SEMA4C: variants seen among roughly 807,000 people sequenced by gnomAD.
SEMA4C encodes semaphorin 4C, also known as semaphorin-4C.
SEMA4C carries 19 observed loss-of-function variants against 89.0 expected under a neutral mutation model. The observed-to-expected ratio is 0.21, with a 90% CI of 0.15 to 0.31. The LOEUF is 0.31. SEMA4C is among the 10% of genes least tolerant of loss of function. The probability of loss-of-function intolerance (pLI) is 1.00; values close to 1 mark genes in which losing one functional copy is unlikely to be tolerated. For synonymous variants in SEMA4C, 428 were observed against 472.7 expected (o/e 0.91, Z 1.23); for missense variants, 811 against 1,107.0 (o/e 0.73, Z 3.79).
At chr2:96,863,558 A>ATG in intron 12 of SEMA4C, 124 bp downstream of exon 12, 1 of 1,241,060 alleles carries the variant, frequency 8.1e-7, no homozygotes, top group Non-Finnish European at 1.1e-6. Flanking sequence ...GTGCATCCAC[A>ATG]TGTGTGTGTG....
At chr2:96,870,268 C>G (rs971678241), upstream of SEMA4C, 6 of 985,498 alleles carry the variant, frequency 6.1e-6, no homozygotes, top group Non-Finnish European at 7.2e-6. Flanking sequence ...TCAACCCCTC[C>G]GGGTGTCCAG....
upstream of SEMA4C, chr2:96,870,165 C>G: frequency 3.1e-6 from 3 of 983,164 alleles, no homozygotes; most frequent in Non-Finnish European, 3.6e-6. Context: ...CGCGAAGGCT[C>G]GCTCAGGAGG....
At chr2:96,868,242 A>G (rs887317471) in intron 1 of SEMA4C, among the ~76,000 whole-genome samples, 1 of 152,196 alleles carries the variant, frequency 6.6e-6, no homozygotes, top group Non-Finnish European at 1.5e-5. Flanking sequence ...ACCCCCGCCC[A>G]ACATACACAC....
rs1204642762 is a variant in SEMA4C, at chr2:96,860,295, CACAT to C, written c.*327_*330del. On this transcript the variant is annotated 3_prime_UTR_variant, in exon 15 of 15. Coordinates refer to ENST00000305476, the MANE Select transcript of SEMA4C (RefSeq NM_017789.5). Reference sequence around the variant, plus strand: ...ACAAGCGCGCACGCGCGTGCACACACACATACACACACACACAAACACATGTGCA... The same window carrying C: ...ACAAGCGCGCACGCGCGTGCACACACACACACACACACAAACACATGTGCA... 16 of 348,304 alleles carry C rather than the reference CACAT, an allele frequency of 4.6e-5. No individual in the cohort carries two copies. In the East Asian group the frequency reaches 6.1e-4, roughly 13 times the overall value. The allele number at this position is 348,304 out of a possible 1,614,324, so 21.6% of individuals were successfully genotyped here.
At chr2:96,866,744 G>A (rs557879953) in intron 2 of SEMA4C, 30 of 462,804 alleles carry the variant, frequency 6.5e-5, no homozygotes, top group Non-Finnish European at 1.1e-4. Context: ...ACCTCCGGCC[G>A]CAGGGCTGGG....
At chr2:96,868,063 G>T in intron 1 of SEMA4C, 140 bp from the exon 2 acceptor site, 1 of 1,194,102 alleles carries the variant, frequency 8.4e-7, no homozygotes, top group East Asian at 2.6e-5. Flanking sequence ...TTTGGAGGTG[G>T]ACCTAAGTCC....
At position 96,860,948 on chromosome 2, in the gene SEMA4C, T is replaced by A; in HGVS notation, c.2180A>T (p.Asp727Val). Residue 727 changes from aspartate (D) to valine (V), a missense_variant, in exon 15 of 15, where the codon GAT (aspartate) becomes GTT (valine). Asp to Val is a radical substitution (Grantham distance 152). Around this residue, in one of 4 missense-constraint regions of SEMA4C, gnomAD observed 248 missense variants for 269.0 expected, o/e 0.92. Coordinates refer to ENST00000305476, the MANE Select transcript of SEMA4C (RefSeq NM_017789.5). ...ACCGACAGGATCCCAAAGTTTCTCA[T>A]CTGGTTCAGGACAGGGCCGGAAGGG... ...SPPFRPCPEP[D>V]EKLWDPVGYY... The A allele has an allele frequency of 6.2e-7, 1 of 1,613,016 alleles. No individual in the cohort carries two copies. The highest frequency in any genetic ancestry group is 8.5e-7 in the Non-Finnish European group (1 of 1,180,004).
Position 96,865,541 on chromosome 2 carries a change from A to G in SEMA4C, c.421-4T>C. The stretch of plus-strand genomic sequence containing the variant: ...CCAAAGTGAAGGTGAGCATGTTCTA[A>G]GGACAGAGAGAGAGGTGATGAGGAG... On this transcript the variant is annotated splice_region_variant and splice_polypyrimidine_tract_variant and intron_variant, in intron 5 of 14. Coordinates refer to ENST00000305476, the MANE Select transcript of SEMA4C (RefSeq NM_017789.5). The G allele has an allele frequency of 6.2e-7, 1 of 1,613,456 alleles. No homozygotes were observed. The highest frequency in any genetic ancestry group is 8.5e-7 in the Non-Finnish European group (1 of 1,179,630).
At position 96,860,546 on chromosome 2, in the gene SEMA4C, T is replaced by C. The variant is rs1036298920; in HGVS notation, c.*80A>G. The stretch of plus-strand genomic sequence containing the variant: ...CCAGACAGAGCAGGTGCCCGTGCCA[T>C]GTCCCTGAGGTAGCTGGTGCCTGTG... On this transcript the variant is annotated 3_prime_UTR_variant, in exon 15 of 15. Transcript: ENST00000305476. The C allele has an allele frequency of 6.1e-6, 8 of 1,302,018 alleles. No homozygotes were observed. The Admixed American group carries it at 1.0e-4, about 17-fold the overall frequency. The allele number at this position is 1,302,018 out of a possible 1,614,324, so 80.7% of individuals were successfully genotyped here.
Position 96,860,946 on chromosome 2 carries a change from C to T in SEMA4C, c.2182G>A (p.Glu728Lys). ...TAACCGACAGGATCCCAAAGTTTCT[C>T]ATCTGGTTCAGGACAGGGCCGGAAG... The part of the protein sequence containing the change: ...PPFRPCPEPD[E>K]KLWDPVGYYY... Residue 728 changes from glutamate (E) to lysine (K), a missense_variant, in exon 15 of 15, where the codon GAG becomes AAG. Glu to Lys is a moderately conservative substitution (Grantham distance 56, BLOSUM62 1). Around this residue, in one of 4 missense-constraint regions of SEMA4C, gnomAD observed 248 missense variants for 269.0 expected, o/e 0.92. Transcript: ENST00000305476. The T allele has an allele frequency of 6.2e-7, 1 of 1,613,044 alleles. No individual in the cohort carries two copies. Among genetic ancestry groups the T allele is most frequent in the Non-Finnish European group, 8.5e-7 (1 of 1,180,014 alleles).
In SEMA4C at chr2:96,861,316, G is replaced by T; in HGVS notation, c.1812C>A (p.Leu604=). ...CCAGGGCCTGGAGCCGGGCATCGTAGAGGAAGGACCCGGGCTGTTCCGCAG... is the reference window on the plus strand; with the variant it reads ...CCAGGGCCTGGAGCCGGGCATCGTATAGGAAGGACCCGGGCTGTTCCGCAG... ...DLPAEQPGSF[L]YDARLQALVV... Residue 604 remains leucine (L), a synonymous_variant, in exon 15 of 15, where the codon CTC becomes CTA. Transcript: ENST00000305476. The surrounding 1 kb of genome is among the most constrained non-coding windows in gnomAD (Gnocchi z 7.8). 6.2e-7 allele frequency: 1 copy of T among 1,607,558 alleles called. No homozygotes were observed.
intron 2 of SEMA4C, chr2:96,866,750 C>A: frequency 2.2e-6 from 1 of 455,762 alleles, no homozygotes. Flanking sequence ...GGCCGCAGGG[C>A]TGGGCACCCC....
intron 12 of SEMA4C, chr2:96,862,130 C>T (rs1435549895): frequency 1.9e-5 from 10 of 521,488 alleles, no homozygotes; most frequent in Middle Eastern, 5.0e-4. Context: ...CCCTTATCGA[C>T]GTGACGTTAT....
In SEMA4C at chr2:96,860,299, T is replaced by C. The variant is rs892017062; in HGVS notation, c.*327A>G. On this transcript the variant is annotated 3_prime_UTR_variant, in exon 15 of 15. Transcript: ENST00000305476. The stretch of plus-strand genomic sequence containing the variant: ...GCGCGCACGCGCGTGCACACACACA[T>C]ACACACACACACAAACACATGTGCA... 28 of 357,018 alleles carry C rather than the reference T, an allele frequency of 7.8e-5. No individual in the cohort carries two copies. The highest frequency in any genetic ancestry group is 1.3e-4 in the Non-Finnish European group (26 of 195,982). 22.1% of individuals were successfully genotyped at this position (357,018 alleles called of 1,614,324 possible).
At chr2:96,863,224 A>G in intron 12 of SEMA4C, 1 of 991,064 alleles carries the variant, frequency 1.0e-6, no homozygotes. Context: ...AAAAACCAAA[A>G]AGAGTATTGC....
rs2153361427 is a variant in SEMA4C, at chr2:96,860,867, GGCT to G, written c.2258_2260del (p.Gln753del). The G allele has an allele frequency of 6.2e-7, 1 of 1,613,166 alleles. No homozygotes were observed. Among genetic ancestry groups the G allele is most frequent in the Non-Finnish European group, 8.5e-7 (1 of 1,180,024 alleles). On this transcript the variant is annotated inframe_deletion, in exon 15 of 15. Coordinates refer to ENST00000305476, the MANE Select transcript of SEMA4C (RefSeq NM_017789.5). ...AGGTGGCGAAGGGGGCCCCCCACCG[GGCT>G]GGCACCGGGCATGCCCAGGTACTAT...
At position 96,864,062 on chromosome 2, in the gene SEMA4C, C is replaced by A; in HGVS notation, c.1194G>T (p.Pro398=). 6.2e-7 allele frequency: 1 copy of A among 1,613,244 alleles called. No homozygotes were observed. The highest frequency in any genetic ancestry group is 8.5e-7 in the Non-Finnish European group (1 of 1,180,022). ...DNILNFVKKH[P]LMEEQVGPRW... is the part of the protein sequence containing the mutation. ...GAGGCCCCACCTGCTCCTCCATCAG[C>A]GGGTGCTTCTTGACGAAGTTGAGGA... The change falls in exon 11 of 15, where the codon CCG becomes CCT. Residue 398 remains proline, a synonymous_variant. Transcript: ENST00000305476. The surrounding 1 kb of genome is among the most constrained non-coding windows in gnomAD (Gnocchi z 6.3).
In SEMA4C at chr2:96,861,708, G is replaced by T. The variant is rs983225099; in HGVS notation, c.1601+29C>A. 2.5e-6 allele frequency: 4 copies of T among 1,607,920 alleles called. No homozygotes were observed. The highest frequency in any genetic ancestry group is 3.4e-6 in the Non-Finnish European group (4 of 1,175,526). ...GCTCCAACCACCCTGAGTCCCTGGA[G>T]GTCCTGGCCTATGTAGAGCCCAACT... On this transcript the variant is annotated intron_variant, in intron 13 of 14. Transcript: ENST00000305476. This position sits in a 1 kb window ranked among gnomAD's most constrained non-coding sequence, Gnocchi z 7.8.
At chr2:96,870,187 CGCAGCGACCT>C, upstream of SEMA4C, 15 of 984,784 alleles carry the variant, frequency 1.5e-5, no homozygotes, top group Non-Finnish European at 1.7e-5. Context: ...GGCTGCGACC[CGCAGCGACCT>C]GTGGACCCGC....
Sources: allele counts gnomAD v4.1 joint callset (sites outside exome capture counted in the v4.1 genomes callset), GRCh38; gene constraint gnomAD v4.1.1; regional missense constraint gnomAD v4.1.1; non-coding constraint Gnocchi (gnomAD v3.1); transcripts MANE v1.5; gene names NCBI Gene and HGNC (gene_info 2026-07-23, HGNC 2026-07-21).